The following GALNT13 variants were observed in gnomAD, a reference collection of about 807,000 sequenced individuals.
GALNT13 encodes UDP-GalNAc:polypeptide N-acetylgalactosaminyltransferase 13.
Under a neutral mutation model 64.2 loss-of-function variants are expected in GALNT13, and 28 were observed. The ratio of observed to expected loss-of-function variants is 0.44; its 90% CI spans 0.32 to 0.60. The LOEUF (loss-of-function observed/expected upper bound fraction) is 0.60, where lower values mean the gene tolerates loss of function less well. Ranked by LOEUF, GALNT13 falls within the 20% of genes least tolerant of loss-of-function variation. The probability of loss-of-function intolerance (pLI) is 0.05; values close to 1 mark genes in which losing one functional copy is unlikely to be tolerated. For missense variants in GALNT13, 577 were observed against 669.8 expected, an observed-to-expected ratio of 0.86 and a Z score of 1.53; for synonymous variants, 214 against 224.6, an observed-to-expected ratio of 0.95 and a Z score of 0.42.
At chr2:153,276,439 A>G in the GALNT13 span, among the ~76,000 whole-genome samples, 1 of 152,030 alleles carries the variant, frequency 6.6e-6, no homozygotes, top group African/African-American at 2.4e-5. Flanking sequence ...TTTGTTTGGT[A>G]TGAGGTAGTG....
At chr2:153,738,924 A>G in the GALNT13 span, among the ~76,000 whole-genome samples, 104 of 152,026 alleles carry the variant, frequency 6.8e-4, 1 homozygote, top group South Asian at 0.019. Context: ...GAATTTTACA[A>G]TGAACACCCC....
chr2:153,723,619 T>A, the GALNT13 span, among the ~76,000 whole-genome samples: 375 of 151,902 alleles, frequency 2.5e-3, no homozygotes, highest in Middle Eastern at 0.014. Flanking sequence ...CAGGATACAA[T>A]ATCAATGTAC....
chr2:153,589,075 T>C, the GALNT13 span, among the ~76,000 whole-genome samples: 1 of 151,918 alleles, frequency 6.6e-6, no homozygotes, highest in African/African-American at 2.4e-5. Context: ...TCGATTGAAC[T>C]CGGGAGCTGA....
At chr2:154,246,857 T>C (rs1450484917) in intron 7 of GALNT13, among the ~76,000 whole-genome samples, 1 of 152,038 alleles carries the variant, frequency 6.6e-6, no homozygotes, top group African/African-American at 2.4e-5. Context: ...ATCAATCTTA[T>C]AATGGAAGGA....
the GALNT13 span, among the ~76,000 whole-genome samples, chr2:153,471,575 C>T: frequency 6.6e-6 from 1 of 152,166 alleles, no homozygotes; most frequent in Non-Finnish European, 1.5e-5. Flanking sequence ...TAGAATCTGC[C>T]TGTAAATTTC....
intron 4 of GALNT13, among the ~76,000 whole-genome samples, chr2:154,227,791 G>A (rs1688701721): frequency 6.6e-6 from 1 of 151,962 alleles, no homozygotes; most frequent in African/African-American, 2.4e-5. Context: ...TGCACCTGCA[G>A]TACTCACCAG....
intron 11 of GALNT13, among the ~76,000 whole-genome samples, chr2:154,409,619 G>T (rs1052370575): frequency 6.6e-6 from 1 of 151,890 alleles, no homozygotes. Context: ...GCTTTGCATG[G>T]TGGGCCACAT....
At chr2:153,977,819 T>G (rs2105147667) in intron 3 of GALNT13, among the ~76,000 whole-genome samples, 1 of 152,280 alleles carries the variant, frequency 6.6e-6, no homozygotes, top group African/African-American at 2.4e-5. Context: ...AAATGCCCTT[T>G]TCATTAACTT....
At chr2:153,083,716 T>C in the GALNT13 span, among the ~76,000 whole-genome samples, 1 of 152,262 alleles carries the variant, frequency 6.6e-6, no homozygotes, top group African/African-American at 2.4e-5. Flanking sequence ...TTATTTCTAT[T>C]GCTGTGCAGA....
the GALNT13 span, among the ~76,000 whole-genome samples, chr2:153,146,884 T>C: frequency 2.6e-5 from 4 of 151,876 alleles, no homozygotes; most frequent in African/African-American, 9.7e-5. Flanking sequence ...CCAGGGTTTT[T>C]CCTGTGCACT....
the GALNT13 span, among the ~76,000 whole-genome samples, chr2:153,493,766 A>G: frequency 6.6e-6 from 1 of 151,994 alleles, no homozygotes; most frequent in African/African-American, 2.4e-5. Context: ...AAAGCCAACA[A>G]TGTATGAAAA....
chr2:154,327,768 A>C (rs1323927065), intron 9 of GALNT13, among the ~76,000 whole-genome samples: 1 of 152,138 alleles, frequency 6.6e-6, no homozygotes, highest in Non-Finnish European at 1.5e-5. Context: ...TAAGGGATAC[A>C]CTGCTAACAA....
chr2:153,146,529 A>G, the GALNT13 span, among the ~76,000 whole-genome samples: 3 of 151,896 alleles, frequency 2.0e-5, no homozygotes, highest in African/African-American at 7.2e-5. Context: ...AATGATAGGC[A>G]CAGGTTCCCA....
intron 3 of GALNT13, among the ~76,000 whole-genome samples, chr2:154,010,389 C>G (rs1224650329): frequency 6.6e-6 from 1 of 152,198 alleles, no homozygotes; most frequent in African/African-American, 2.4e-5. Context: ...TGATGAATCA[C>G]ATTTATTAAT....
the GALNT13 span, among the ~76,000 whole-genome samples, chr2:153,437,090 A>C: frequency 0.057 from 8,652 of 152,210 alleles, 305 homozygotes; most frequent in South Asian, 0.14. Context: ...TGTACCCAGT[A>C]GTCATTCAGG....
At chr2:154,225,871 T>C (rs1242247321) in intron 4 of GALNT13, among the ~76,000 whole-genome samples, 1 of 152,066 alleles carries the variant, frequency 6.6e-6, no homozygotes, top group Non-Finnish European at 1.5e-5. Flanking sequence ...CTGTCTAGAT[T>C]TTTACCTCTC....
At chr2:153,141,504 C>T in the GALNT13 span, among the ~76,000 whole-genome samples, 2 of 152,004 alleles carry the variant, frequency 1.3e-5, no homozygotes, top group Admixed American at 6.6e-5. Context: ...AAAACCTCTG[C>T]AATACAGATG....
chr2:153,357,654 G>A, the GALNT13 span, among the ~76,000 whole-genome samples: 1 of 152,230 alleles, frequency 6.6e-6, no homozygotes, highest in South Asian at 2.1e-4. Flanking sequence ...ATAAGGGTAT[G>A]GAAGTGGAGT....
chr2:153,539,360 G>T, the GALNT13 span, among the ~76,000 whole-genome samples: 2 of 151,768 alleles, frequency 1.3e-5, no homozygotes, highest in African/African-American at 4.8e-5. Flanking sequence ...CACTCTGATG[G>T]TAGTTTCTTT....
Sources: gnomAD v4.1 joint callset for allele counts (sites outside exome capture counted in the v4.1 genomes callset) on GRCh38, gnomAD v4.1.1 for gene constraint, MANE v1.5 for transcripts, NCBI Gene and HGNC (gene_info 2026-07-23, HGNC 2026-07-21) for gene names.